Variants in HYOU1 observed in about 807,000 individuals in gnomAD.
The protein encoded by HYOU1 is hypoxia up-regulated protein 1.
In HYOU1, 40 loss-of-function variants were observed where a neutral mutation model predicts 120.5. The ratio of observed to expected loss-of-function variants is 0.33; its 90% CI spans 0.26 to 0.43. The LOEUF (loss-of-function observed/expected upper bound fraction) is 0.43. Ranked by LOEUF, HYOU1 falls within the 20% of genes least tolerant of loss-of-function variation. The pLI is 1.00. For synonymous variants in HYOU1, 501 were observed against 479.4 expected (o/e 1.05, Z -0.59); for missense variants, 1,085 against 1,278.3 (o/e 0.85, Z 2.31).
At position 119,051,273 on chromosome 11, in the gene HYOU1, C is replaced by T. The variant is rs2133583920; in HGVS notation, c.1527-100G>A. 8 of 1,541,126 alleles carry T rather than the reference C, an allele frequency of 5.2e-6. No individual in the cohort carries two copies. In the East Asian group the frequency reaches 1.6e-4, roughly 30 times the overall value. ...GGCACAAGGTGTCAGGGGCACTCCC[C>T]AAGGGCACACTCAAGAGGACGGATG... On this transcript the variant is annotated intron_variant, in intron 13 of 25. Transcript: ENST00000617285. The surrounding 1 kb of genome is among the most constrained non-coding windows in gnomAD (Gnocchi z 4.2).
At position 119,045,067 on chromosome 11, in the gene HYOU1, C is replaced by T. The variant is rs1365530496; in HGVS notation, c.*526G>A. On this transcript the variant is annotated 3_prime_UTR_variant, in exon 26 of 26. Coordinates refer to ENST00000617285, the MANE Select transcript of HYOU1 (RefSeq NM_006389.5). ...TGGATGGGAATGGGGAAGGGAGGCTCAGAGCAAGAGAAGCCCGCAGAGGGA... is the reference window on the plus strand; with the variant it reads ...TGGATGGGAATGGGGAAGGGAGGCTTAGAGCAAGAGAAGCCCGCAGAGGGA... The T allele has an allele frequency of 4.5e-6, 2 of 444,988 alleles. No individual in the cohort carries two copies. Among genetic ancestry groups the T allele is most frequent in the East Asian group, 1.4e-4 (2 of 14,008 alleles). 27.6% of individuals were successfully genotyped at this position (444,988 alleles called of 1,614,324 possible).
In HYOU1 at chr11:119,054,684, GAC is replaced by G. The variant is rs2133607247; in HGVS notation, c.497-11_497-10del. The G allele has an allele frequency of 5.6e-6, 9 of 1,608,604 alleles. No homozygotes were observed. In the South Asian group the frequency reaches 9.9e-5, roughly 18 times the overall value. ...ATCCTTGATGGGCTGCTCTACAGATGACAACAGAAAAGGGTCCCGCCGGCTCC... is the reference window on the plus strand; with the variant it reads ...ATCCTTGATGGGCTGCTCTACAGATGAACAGAAAAGGGTCCCGCCGGCTCC... On this transcript the variant is annotated splice_polypyrimidine_tract_variant and intron_variant, in intron 6 of 25. Coordinates refer to ENST00000617285, the MANE Select transcript of HYOU1 (RefSeq NM_006389.5).
chr11:119,055,421 G>A lies in HYOU1; in HGVS notation c.264+72C>T. 1 of 1,602,330 alleles carries A rather than the reference G, an allele frequency of 6.2e-7. No homozygotes were observed. Among genetic ancestry groups the A allele is most frequent in the South Asian group, 1.1e-5 (1 of 90,796 alleles). ...CCTCTTACATCACAGAGACTGATAA[G>A]GAAACAGACTCTGGGGGCTGCCATC... On this transcript the variant is annotated intron_variant, in intron 4 of 25. Transcript: ENST00000617285. The surrounding 1 kb of genome is among the most constrained non-coding windows in gnomAD (Gnocchi z 4.0).
intron 7 of HYOU1, 22 bp from the exon 8 acceptor site, chr11:119,054,258 T>A: frequency 6.3e-7 from 1 of 1,583,264 alleles, no homozygotes; most frequent in Non-Finnish European, 8.7e-7. Context: ...TCAAGGCAAC[T>A]GTCACAGGAA....
chr11:119,049,816 G>A lies in HYOU1; in HGVS notation c.1687C>T (p.Leu563=). The A allele has an allele frequency of 6.2e-7, 1 of 1,614,078 alleles. No individual in the cohort carries two copies. The highest frequency in any genetic ancestry group is 8.5e-7 in the Non-Finnish European group (1 of 1,179,970). Residue 563 remains leucine (L), a synonymous_variant, in exon 15 of 26, where the codon CTG becomes TTG. Transcript: ENST00000617285. The part of the protein sequence containing the change: ...LDRVESVFET[L]VEDSAEEEST... ...TCCTCTTCTGCGCTGTCCTCTACCA[G>A]TGTCTCAAATACAGACTCCACCTGA... is the stretch of plus-strand genomic sequence containing the variant.
chr11:119,056,623 G>T (rs960824042), intron 1 of HYOU1, among the ~76,000 whole-genome samples: 1 of 152,260 alleles, frequency 6.6e-6, no homozygotes, highest in African/African-American at 2.4e-5. Context: ...AGGTAATGAC[G>T]TTGGGGGTAG....
Position 119,051,280 on chromosome 11 carries a change from A to G in HYOU1, c.1527-107T>C. 6.5e-7 allele frequency: 1 copy of G among 1,532,908 alleles called. No individual in the cohort carries two copies. The highest frequency in any genetic ancestry group is 8.9e-7 in the Non-Finnish European group (1 of 1,121,246). 95.0% of individuals were successfully genotyped at this position (1,532,908 alleles called of 1,614,324 possible). A position where few individuals can be genotyped will look rare whatever the true frequency, so the allele number is the denominator to read the frequency against. On this transcript the variant is annotated intron_variant, in intron 13 of 25. Coordinates refer to ENST00000617285, the MANE Select transcript of HYOU1 (RefSeq NM_006389.5). This position sits in a 1 kb window ranked among gnomAD's most constrained non-coding sequence, Gnocchi z 4.2. ...GGTGTCAGGGGCACTCCCCAAGGGC[A>G]CACTCAAGAGGACGGATGCATTCTC...
chr11:119,052,408 C>T lies in HYOU1; in HGVS notation c.1009G>A (p.Val337Met). The change falls in exon 10 of 26, where the codon GTG becomes ATG. Residue 337 changes from valine (V) to methionine (M), a missense_variant. Val to Met is a conservative substitution (Grantham distance 21). This residue lies in a region of HYOU1 where 515 missense variants were observed against 677.8 expected (regional missense o/e 0.76). Transcript: ENST00000617285. This position sits in a 1 kb window ranked among gnomAD's most constrained non-coding sequence, Gnocchi z 5.0. ...MAQIEGLMDDVDFKAKVTRVE... is the reference protein window; with the variant it reads ...MAQIEGLMDDMDFKAKVTRVE... ...CGAGTCACTTTTGCCTTGAAGTCCA[C>T]ATCATCCATCAGGCCTTCAATCTGG... The T allele has an allele frequency of 1.2e-6, 2 of 1,614,236 alleles. No individual in the cohort carries two copies. The highest frequency in any genetic ancestry group is 1.7e-6 in the Non-Finnish European group (2 of 1,180,038).
chr11:119,050,146 T>C (rs1175747698), intron 14 of HYOU1, among the ~76,000 whole-genome samples: 3 of 152,230 alleles, frequency 2.0e-5, no homozygotes, highest in African/African-American at 7.2e-5. Flanking sequence ...GTGCAGTGGC[T>C]TATGCCTGTA....
chr11:119,048,067 T>G lies in HYOU1; in HGVS notation c.2390A>C (p.Lys797Thr). Reference protein sequence around the residue: ...VGATTVMLKEKLAELRKLCQG... With the variant: ...VGATTVMLKETLAELRKLCQG... ...GCACAGCTTCCTCAGCTCAGCCAGC[T>G]TCTCCTTCAACATCTGATGGATGTG... Residue 797 changes from lysine to threonine, a missense_variant, in exon 21 of 26, where the codon AAG (lysine) becomes ACG (threonine). Physicochemically the swap from Lys to Thr is moderately conservative, Grantham distance 78 (BLOSUM62 -1). Around this residue, in one of 4 missense-constraint regions of HYOU1, gnomAD observed 516 missense variants for 517.1 expected, o/e 1.00. Transcript: ENST00000617285. This position sits in a 1 kb window ranked among gnomAD's most constrained non-coding sequence, Gnocchi z 4.7. 1.2e-6 allele frequency: 2 copies of G among 1,614,198 alleles called. No individual in the cohort carries two copies. Among genetic ancestry groups the G allele is most frequent in the South Asian group, 1.1e-5 (1 of 91,084 alleles).
In HYOU1 at chr11:119,052,904, C is replaced by G. The variant is rs954686784; in HGVS notation, c.795-75G>C. 2 of 1,344,748 alleles carry G rather than the reference C, an allele frequency of 1.5e-6. No homozygotes were observed. The highest frequency in any genetic ancestry group is 2.9e-5 in the African/African-American group (2 of 68,384). 83.3% of individuals were successfully genotyped at this position (1,344,748 alleles called of 1,614,324 possible). On this transcript the variant is annotated intron_variant, in intron 8 of 25. Coordinates refer to ENST00000617285, the MANE Select transcript of HYOU1 (RefSeq NM_006389.5). This position sits in a 1 kb window ranked among gnomAD's most constrained non-coding sequence, Gnocchi z 5.0. ...CGCATCTGCACAGGAGCCTCTCATC[C>G]CCACATGGCACCTTTCCTTCATCTC...
intron 8 of HYOU1, chr11:119,053,627 G>A (rs1182126394): frequency 1.3e-5 from 2 of 153,106 alleles, no homozygotes; most frequent in Admixed American, 1.3e-4. Flanking sequence ...TAGGAACAGG[G>A]AGATGTTTTT....
chr11:119,047,879 G>A (rs1440806694), intron 21 of HYOU1, 61 bp from the exon 22 acceptor site: 6 of 1,612,918 alleles, frequency 3.7e-6, no homozygotes, highest in Admixed American at 1.7e-5. Context: ...TGTGGGGAGT[G>A]GGAAGCTGGT....
Position 119,057,072 on chromosome 11 carries a change from T to A in HYOU1, c.-60A>T, listed in dbSNP as rs2133619770. ...CTCTGGGACAGACGCGGCACGAACG[T>A]ACCCACGAGGCCGGCAGCGCCCCCC... On this transcript the variant is annotated 5_prime_UTR_variant, in exon 1 of 26. Coordinates refer to ENST00000617285, the MANE Select transcript of HYOU1 (RefSeq NM_006389.5). 1.3e-5 allele frequency: 2 copies of A among 151,998 alleles called. No homozygotes were observed. Among genetic ancestry groups the A allele is most frequent in the African/African-American group, 2.4e-5 (1 of 41,320 alleles). 9.4% of individuals were successfully genotyped at this position (151,998 alleles called of 1,614,324 possible).
intron 22 of HYOU1, 197 bp downstream of exon 22, chr11:119,047,537 C>A: frequency 1.8e-6 from 1 of 566,128 alleles, no homozygotes; most frequent in African/African-American, 1.9e-5. Flanking sequence ...CTTTTTTGCT[C>A]CTCCAGGCTG....
chr11:119,045,551 G>A lies in HYOU1; in HGVS notation c.*42C>T. The stretch of plus-strand genomic sequence containing the variant: ...CGATGTTAAATAAATAGAAGTGGTG[G>A]GGGAAGGGGGTGGAGATGAATGGGG... On this transcript the variant is annotated 3_prime_UTR_variant, in exon 26 of 26. Transcript: ENST00000617285. 6.6e-7 allele frequency: 1 copy of A among 1,514,720 alleles called. No homozygotes were observed. Among genetic ancestry groups the A allele is most frequent in the East Asian group, 2.2e-5 (1 of 44,498 alleles). 93.8% of individuals were successfully genotyped at this position (1,514,720 alleles called of 1,614,324 possible).
At chr11:119,049,926 A>G (rs188081023) in intron 14 of HYOU1, 89 bp from the exon 15 acceptor site, 96 of 1,153,358 alleles carry the variant, frequency 8.3e-5, no homozygotes, top group Admixed American at 2.5e-4. Context: ...GCTTATGCAC[A>G]CTCCATGCCG....
At position 119,048,873 on chromosome 11, in the gene HYOU1, T is replaced by G. The variant is rs1944244963; in HGVS notation, c.2006A>C (p.Lys669Thr). The change falls in exon 18 of 26, where the codon AAG becomes ACG. Residue 669 changes from lysine (K) to threonine (T), a missense_variant. Physicochemically the swap from Lys to Thr is moderately conservative, Grantham distance 78. Coordinates refer to ENST00000617285, the MANE Select transcript of HYOU1 (RefSeq NM_006389.5). The surrounding 1 kb of genome is among the most constrained non-coding windows in gnomAD (Gnocchi z 4.7). ...GACGCCCTCAGGCCCTGCCTCTGCCTTCTCACTTGGTTTCTGGGTGGGAAG... is the reference window on the plus strand; with the variant it reads ...GACGCCCTCAGGCCCTGCCTCTGCCGTCTCACTTGGTTTCTGGGTGGGAAG... ...DKSEAQKPSE[K>T]AEAGPEGVAP... 6.2e-7 allele frequency: 1 copy of G among 1,607,042 alleles called. No individual in the cohort carries two copies. Among genetic ancestry groups the G allele is most frequent in the East Asian group, 2.2e-5 (1 of 44,848 alleles).
rs1944713055 is a variant in HYOU1, at chr11:119,055,663, G to A, written c.185+87C>T. On this transcript the variant is annotated intron_variant, in intron 3 of 25. Coordinates refer to ENST00000617285, the MANE Select transcript of HYOU1 (RefSeq NM_006389.5). This position sits in a 1 kb window ranked among gnomAD's most constrained non-coding sequence, Gnocchi z 4.0. ...CACATTTAACCACTCAGATGCCGAAGTCTGCTGTGGGCACTATGACTAACA... is the reference window on the plus strand; with the variant it reads ...CACATTTAACCACTCAGATGCCGAAATCTGCTGTGGGCACTATGACTAACA... 4 of 1,493,682 alleles carry A rather than the reference G, an allele frequency of 2.7e-6. No individual in the cohort carries two copies. The highest frequency in any genetic ancestry group is 3.7e-6 in the Non-Finnish European group (4 of 1,070,414). 92.5% of individuals were successfully genotyped at this position (1,493,682 alleles called of 1,614,324 possible). A position where few individuals can be genotyped will look rare whatever the true frequency, so the allele number is the denominator to read the frequency against.
Sources: gnomAD v4.1 joint callset for allele counts (sites outside exome capture counted in the v4.1 genomes callset) on GRCh38, gnomAD v4.1.1 for gene constraint, gnomAD v4.1.1 regional missense constraint, Gnocchi (gnomAD v3.1) non-coding constraint, MANE v1.5 for transcripts, NCBI Gene and HGNC (gene_info 2026-07-23, HGNC 2026-07-21) for gene names.